PDK1: variants seen among roughly 807,000 people sequenced by gnomAD.
PDK1 encodes the protein [Pyruvate dehydrogenase (acetyl-transferring)] kinase isozyme 1, mitochondrial.
In PDK1, 39 loss-of-function variants were observed where a neutral mutation model predicts 54.2. The ratio of observed to expected loss-of-function variants is 0.72; its 90% CI spans 0.56 to 0.94. PDK1 has a LOEUF of 0.94. PDK1 is among the 40% of genes least tolerant of loss of function. PDK1 has a pLI of 0.00. For synonymous variants in PDK1, 221 were observed against 207.1 expected, an observed-to-expected ratio of 1.07 and a Z score of -0.58; for missense variants, 552 against 566.0, an observed-to-expected ratio of 0.98 and a Z score of 0.25.
the PDK1 span, among the ~76,000 whole-genome samples, chr2:172,633,867 ATTTTTTTTTTTT>A: frequency 1.5e-5 from 1 of 68,834 alleles, no homozygotes; most frequent in African/African-American, 6.1e-5. Context: ...TTAGTCTATG[ATTTTTTTTTTTT>A]TTTTTTTTTT....
At chr2:172,662,188 A>G in the PDK1 span, among the ~76,000 whole-genome samples, 17,144 of 152,182 alleles carry the variant, frequency 0.11, 1,716 homozygotes, top group East Asian at 0.53. Context: ...AAGTAAATGA[A>G]AACATCAACC....
chr2:172,555,945 C>T (rs1688287484), upstream of PDK1: 1 of 391,172 alleles, frequency 2.6e-6, no homozygotes. Flanking sequence ...GCCCCGCAAG[C>T]GCCCGCCCCT....
chr2:172,720,096 T>TTCTCTC, the PDK1 span, among the ~76,000 whole-genome samples: 4 of 136,990 alleles, frequency 2.9e-5, no homozygotes, highest in African/African-American at 1.1e-4. Flanking sequence ...CAAAGAGCTT[T>TTCTCTC]TCTCTCTCTC....
At chr2:172,660,709 C>T in the PDK1 span, among the ~76,000 whole-genome samples, 3 of 151,992 alleles carry the variant, frequency 2.0e-5, no homozygotes, top group East Asian at 3.9e-4. Flanking sequence ...GTGGGGGCAG[C>T]CCTGGTCGAA....
intron 8 of PDK1, among the ~76,000 whole-genome samples, chr2:172,576,506 G>A (rs1363102795): frequency 6.7e-6 from 1 of 150,360 alleles, no homozygotes; most frequent in African/African-American, 2.5e-5. Context: ...TTACACTCTA[G>A]GCTTTATTAT....
the PDK1 span, among the ~76,000 whole-genome samples, chr2:172,655,863 C>A: frequency 6.6e-6 from 1 of 152,198 alleles, no homozygotes; most frequent in African/African-American, 2.4e-5. Context: ...TCTTGTCCAG[C>A]ATCCTGGGAG....
At position 172,604,433 on chromosome 2, in the gene PDK1, TC is replaced by T. The variant is rs1323715777; in HGVS notation, c.*8466del. The T allele has an allele frequency of 6.6e-6, 1 of 152,202 alleles. No individual in the cohort carries two copies. Among genetic ancestry groups the T allele is most frequent in the Non-Finnish European group, 1.5e-5 (1 of 68,026 alleles). The allele number at this position is 152,202 out of a possible 1,614,324, so 9.4% of individuals were successfully genotyped here. ...ACTTTGTAGTTTTCAGCTTACAGAT[TC>T]CGCGCATATTTTGTTAGACTTAAAT... On this transcript the variant is annotated 3_prime_UTR_variant, in exon 11 of 11. Coordinates refer to ENST00000282077, the MANE Select transcript of PDK1 (RefSeq NM_002610.5).
At chr2:172,698,583 C>A in the PDK1 span, among the ~76,000 whole-genome samples, 1 of 152,222 alleles carries the variant, frequency 6.6e-6, no homozygotes, top group African/African-American at 2.4e-5. Context: ...CCACAGCTAT[C>A]TGAAGGGCTT....
chr2:172,722,939 G>T, the PDK1 span, among the ~76,000 whole-genome samples: 1 of 151,888 alleles, frequency 6.6e-6, no homozygotes, highest in African/African-American at 2.4e-5. Context: ...TAGAAATCAG[G>T]TATTTTCAGG....
the PDK1 span, among the ~76,000 whole-genome samples, chr2:172,663,268 T>C: frequency 6.6e-6 from 1 of 152,138 alleles, no homozygotes; most frequent in African/African-American, 2.4e-5. Context: ...TCCAATCATA[T>C]TGGATTAAGG....
chr2:172,623,737 C>G, the PDK1 span, among the ~76,000 whole-genome samples: 6 of 151,824 alleles, frequency 4.0e-5, no homozygotes, highest in Non-Finnish European at 7.4e-5. Context: ...CATGTTGTTT[C>G]AAAGATAAAA....
intron 9 of PDK1, among the ~76,000 whole-genome samples, chr2:172,591,574 C>G (rs1218279765): frequency 2.6e-5 from 4 of 152,298 alleles, no homozygotes; most frequent in Admixed American, 1.3e-4. Context: ...AGTAGATAAA[C>G]TGGCTGTTCC....
chr2:172,651,101 G>A, the PDK1 span, among the ~76,000 whole-genome samples: 4 of 152,232 alleles, frequency 2.6e-5, no homozygotes, highest in South Asian at 8.3e-4. Context: ...AGATGTAAAA[G>A]AACAGAAATT....
At chr2:172,569,699 A>C (rs1410404690) in intron 7 of PDK1, among the ~76,000 whole-genome samples, 2 of 152,176 alleles carry the variant, frequency 1.3e-5, no homozygotes, top group African/African-American at 4.8e-5. Context: ...ACCTTACAAA[A>C]TCTTTTTTAA....
upstream of PDK1, chr2:172,555,391 A>C (rs1440511164): frequency 6.6e-6 from 1 of 152,168 alleles, no homozygotes; most frequent in African/African-American, 2.4e-5. Flanking sequence ...CTCCTTTTTC[A>C]GGTAAAGAGA....
At chr2:172,610,603 CTA>C (rs1342899925), downstream of PDK1, among the ~76,000 whole-genome samples, 2 of 152,076 alleles carry the variant, frequency 1.3e-5, no homozygotes, top group African/African-American at 4.8e-5. Context: ...CAAATTATCT[CTA>C]TTTAATTTTT....
intron 8 of PDK1, 120 bp downstream of exon 8, chr2:172,570,944 CTTG>C: frequency 1.6e-6 from 1 of 622,366 alleles, no homozygotes; most frequent in Non-Finnish European, 2.8e-6. Context: ...GGAAAAGAAT[CTTG>C]TCTGTAATAG....
rs111904181 is a variant in PDK1, at chr2:172,562,352, G to A, written c.410+61G>A. 3,409 of 1,040,050 alleles carry A rather than the reference G, an allele frequency of 3.3e-3. 69 individuals carry two copies. In the African/African-American group the frequency reaches 0.042, roughly 13 times the overall value. The allele number at this position is 1,040,050 out of a possible 1,614,324, so 64.4% of individuals were successfully genotyped here. On this transcript the variant is annotated intron_variant, in intron 3 of 10. Transcript: ENST00000282077. The stretch of plus-strand genomic sequence containing the variant: ...TTATTAGGTCACTTGGGGGAAATTG[G>A]TTAACTTTTAGGTTTCTACTACTTT...
chr2:172,718,760 A>G, the PDK1 span, among the ~76,000 whole-genome samples: 1 of 152,222 alleles, frequency 6.6e-6, no homozygotes, highest in African/African-American at 2.4e-5. Flanking sequence ...AAGGCAATAT[A>G]ATAGAGGATT....
Sources: allele counts gnomAD v4.1 joint callset (sites outside exome capture counted in the v4.1 genomes callset), GRCh38; gene constraint gnomAD v4.1.1; transcripts MANE v1.5; gene names NCBI Gene and HGNC (gene_info 2026-07-23, HGNC 2026-07-21).